The following INO80 variants were observed in gnomAD, a reference collection of about 807,000 sequenced individuals.
INO80 encodes INO80 complex ATPase subunit, also known as chromatin-remodeling ATPase INO80.
Under a neutral mutation model 203.4 loss-of-function variants are expected in INO80, and 20 were observed. That is an observed-to-expected ratio of 0.10 (90% CI 0.07 to 0.14). INO80 has a LOEUF of 0.14. INO80 is among the 10% of genes least tolerant of loss of function. INO80 has a pLI of 1.00. For missense variants in INO80, 1,419 were observed against 1,914.4 expected, an observed-to-expected ratio of 0.74 and a Z score of 4.83; for synonymous variants, 726 against 685.2, an observed-to-expected ratio of 1.06 and a Z score of -0.93.
intron 9 of INO80, among the ~76,000 whole-genome samples, chr15:41,077,458 G>A (rs75098880): frequency 0.028 from 4,208 of 151,514 alleles, 186 homozygotes; most frequent in African/African-American, 0.096. Context: ...TAGCACTTGA[G>A]CCAGATCCAA....
intron 1 of INO80, among the ~76,000 whole-genome samples, chr15:41,100,790 C>A (rs1411918547): frequency 6.6e-6 from 1 of 151,724 alleles, no homozygotes. Context: ...TATATACATT[C>A]ACATTGTTGT....
intron 14 of INO80, among the ~76,000 whole-genome samples, chr15:41,061,083 G>C (rs1392391386): frequency 6.6e-6 from 1 of 152,184 alleles, no homozygotes; most frequent in East Asian, 1.9e-4. Context: ...GAGGCTGGCA[G>C]ATCACCTGAG....
At chr15:41,004,201 C>T (rs58367898) in intron 28 of INO80, among the ~76,000 whole-genome samples, 9,874 of 152,184 alleles carry the variant, frequency 0.065, 927 homozygotes, top group African/African-American at 0.21. Flanking sequence ...CAAATGGAAA[C>T]GGGTTTGAAG....
intron 15 of INO80, among the ~76,000 whole-genome samples, 189 bp downstream of exon 15, chr15:41,059,678 C>T (rs1442561956): frequency 6.6e-6 from 1 of 151,712 alleles, no homozygotes; most frequent in Non-Finnish European, 1.5e-5. Context: ...TTAATTAATC[C>T]TGGAAATCAA....
intron 27 of INO80, among the ~76,000 whole-genome samples, chr15:41,014,697 A>C (rs1443207597): frequency 6.6e-6 from 1 of 152,214 alleles, no homozygotes; most frequent in Non-Finnish European, 1.5e-5. Flanking sequence ...AACTGACCCC[A>C]AAAATCATTT....
At chr15:40,986,316 C>CTTTTTTTTTTTTTTTTTTT (rs551165963) in intron 31 of INO80, among the ~76,000 whole-genome samples, 1 of 90,674 alleles carries the variant, frequency 1.1e-5, no homozygotes, top group Non-Finnish European at 2.3e-5. Flanking sequence ...CTCCACAATG[C>CTTTTTTTTTTTTTTTTTTT]TTTTTTTTTT....
At chr15:40,987,255 G>T in intron 30 of INO80, 62 bp from the exon 31 acceptor site, 1 of 1,001,510 alleles carries the variant, frequency 1.0e-6, no homozygotes, top group South Asian at 1.3e-5. Context: ...CAAATATCCA[G>T]AAAAAGATAC....
At position 41,073,546 on chromosome 15, in the gene INO80, T is replaced by C. The variant is rs373883613; in HGVS notation, c.1328-51A>G. ...CACACTTTATCAACTGATTTTGTTC[T>C]AAGATACAATTAACACCAATGTATG... is the stretch of plus-strand genomic sequence containing the variant. On this transcript the variant is annotated intron_variant, in intron 10 of 35. Transcript: ENST00000648947. 16 of 1,397,262 alleles carry C rather than the reference T, an allele frequency of 1.1e-5. 1 individual carries two copies. The highest frequency in any genetic ancestry group is 1.6e-5 in the Non-Finnish European group (16 of 982,088). The allele number at this position is 1,397,262 out of a possible 1,614,324, so 86.6% of individuals were successfully genotyped here.
chr15:41,013,103 C>CAT (rs10625964), intron 27 of INO80: 1 of 151,694 alleles, frequency 6.6e-6, no homozygotes, highest in African/African-American at 2.4e-5. Context: ...ACAACAACAA[C>CAT]CACCACAACA....
chr15:41,074,406 C>T lies in INO80; in HGVS notation c.1291G>A (p.Gly431Arg), dbSNP rs778710463. The T allele has an allele frequency of 5.0e-6, 8 of 1,613,762 alleles. No homozygotes were observed. The South Asian group carries it at 5.5e-5, about 11-fold the overall frequency. ...TGTGTGATGTTAACTACCACTCCTCCACCTATATCGATTTGTCTCTGGGTA... is the reference window on the plus strand; with the variant it reads ...TGTGTGATGTTAACTACCACTCCTCTACCTATATCGATTTGTCTCTGGGTA... The part of the protein sequence containing the change: ...SSTQRQIDIG[G>R]GVVVNITQED... Residue 431 changes from glycine (G) to arginine (R), a missense_variant, in exon 10 of 36, where the codon GGA becomes AGA. Physicochemically the swap from Gly to Arg is moderately radical, Grantham distance 125. This residue lies in a region of INO80 where 116 missense variants were observed against 119.5 expected (regional missense o/e 0.97). Transcript: ENST00000648947.
intron 1 of INO80, among the ~76,000 whole-genome samples, chr15:41,100,620 A>G (rs2045793131): frequency 6.6e-6 from 1 of 152,118 alleles, no homozygotes; most frequent in Non-Finnish European, 1.5e-5. Context: ...AATACCACCA[A>G]AAAAAGGTGC....
intron 14 of INO80, among the ~76,000 whole-genome samples, chr15:41,061,538 G>A (rs1420933780): frequency 6.8e-5 from 10 of 147,158 alleles, no homozygotes; most frequent in Admixed American, 1.4e-4. Flanking sequence ...CAGGAAAATC[G>A]CTTGAACCCA....
chr15:41,099,081 C>A (rs189428711), intron 1 of INO80, among the ~76,000 whole-genome samples: 1 of 150,910 alleles, frequency 6.6e-6, no homozygotes, highest in African/African-American at 2.4e-5. Flanking sequence ...CGTGTCCCTA[C>A]AAAAAATTTA....
At chr15:40,995,709 A>T (rs1215970724) in intron 29 of INO80, among the ~76,000 whole-genome samples, 2 of 152,210 alleles carry the variant, frequency 1.3e-5, no homozygotes, top group African/African-American at 4.8e-5. Context: ...CATTGAGAGT[A>T]TGACTATGCT....
At chr15:41,104,197 A>G in intron 1 of INO80, among the ~76,000 whole-genome samples, 1 of 139,440 alleles carries the variant, frequency 7.2e-6, no homozygotes. Flanking sequence ...TGAGAGCAAA[A>G]CTCCATCTCA....
chr15:41,003,113 CTG>C (rs2043984690), intron 28 of INO80, among the ~76,000 whole-genome samples: 3 of 147,346 alleles, frequency 2.0e-5, no homozygotes, highest in Non-Finnish European at 3.1e-5. Context: ...GAGCGAGACT[CTG>C]TCTCAGAAAA....
chr15:41,056,921 G>A (rs2044996950), intron 16 of INO80, among the ~76,000 whole-genome samples: 1 of 151,982 alleles, frequency 6.6e-6, no homozygotes, highest in African/African-American at 2.4e-5. Context: ...CACGGTATTT[G>A]GATTTAGAAA....
At chr15:41,102,624 C>CT (rs2045825822) in intron 1 of INO80, among the ~76,000 whole-genome samples, 2 of 151,888 alleles carry the variant, frequency 1.3e-5, no homozygotes, top group African/African-American at 2.4e-5. Context: ...GAGCCAGTAT[C>CT]GTGCACACTG....
In INO80 at chr15:41,032,292, A is replaced by C. The variant is rs191139487; in HGVS notation, c.2908-4556T>G. 6.6e-5 allele frequency among the ~76,000 whole-genome samples: 10 copies of C among 152,364 alleles called. No homozygotes were observed. The East Asian group carries it at 1.7e-3, about 26-fold the overall frequency. On this transcript the variant is annotated intron_variant, in intron 24 of 35. Transcript: ENST00000648947. ...TAAAGAGCATGTCAAATTTAGATAC[A>C]GAGGAAAAAGTTTCACTTTAAATGA...
Sources: allele counts gnomAD v4.1 joint callset (sites outside exome capture counted in the v4.1 genomes callset), GRCh38; gene constraint gnomAD v4.1.1; regional missense constraint gnomAD v4.1.1; transcripts MANE v1.5; gene names NCBI Gene and HGNC (gene_info 2026-07-23, HGNC 2026-07-21).